GPR158: variants seen among roughly 807,000 people sequenced by gnomAD.
The protein encoded by GPR158 is metabotropic glycine receptor.
In GPR158, 30 loss-of-function variants were observed where a neutral mutation model predicts 78.2. The ratio of observed to expected loss-of-function variants is 0.38; its 90% CI spans 0.29 to 0.52. The LOEUF is 0.52. Ranked by LOEUF, GPR158 falls within the 20% of genes least tolerant of loss-of-function variation. The probability of loss-of-function intolerance (pLI) is 0.83; values close to 1 mark genes in which losing one functional copy is unlikely to be tolerated. For missense variants in GPR158, 1,463 were observed against 1,523.5 expected (o/e 0.96, Z 0.66); for synonymous variants, 581 against 591.1 (o/e 0.98, Z 0.25).
chr10:25,341,960 C>A (rs67045255), intron 2 of GPR158, among the ~76,000 whole-genome samples: 6,369 of 152,056 alleles, frequency 0.042, 138 homozygotes, highest in African/African-American at 0.05. Flanking sequence ...TTTTCTCTCT[C>A]TATAACTGGC....
At chr10:25,430,393 T>A (rs1200131099) in intron 4 of GPR158, among the ~76,000 whole-genome samples, 1 of 150,888 alleles carries the variant, frequency 6.6e-6, no homozygotes, top group African/African-American at 2.4e-5. Context: ...CATTCCATGC[T>A]CATGGGTAGG....
intron 5 of GPR158, among the ~76,000 whole-genome samples, chr10:25,495,492 C>G (rs933721990): frequency 6.6e-6 from 1 of 151,794 alleles, no homozygotes; most frequent in Admixed American, 6.6e-5. Flanking sequence ...CAGGGTTTCA[C>G]CATGTTAGCC....
At chr10:25,230,967 T>C (rs1853439681) in intron 2 of GPR158, among the ~76,000 whole-genome samples, 1 of 152,180 alleles carries the variant, frequency 6.6e-6, no homozygotes, top group Non-Finnish European at 1.5e-5. Flanking sequence ...AATTTTTCTG[T>C]AGTGTTAAGA....
rs1480874065 is a variant in GPR158 at position 25,601,809 on chromosome 10, C to A, written c.*2535C>A. ...AATGCATGTGCAGGCTGCATCCTGTCCTTGTTTTTAAGCCAGGGTTTATAA... is the reference window on the plus strand; with the variant it reads ...AATGCATGTGCAGGCTGCATCCTGTACTTGTTTTTAAGCCAGGGTTTATAA... On this transcript the variant is annotated 3_prime_UTR_variant, in exon 11 of 11. Coordinates refer to ENST00000376351, the MANE Select transcript of GPR158 (RefSeq NM_020752.3). The A allele has an allele frequency of 1.3e-5, 2 of 152,548 alleles. No individual in the cohort carries two copies. The highest frequency in any genetic ancestry group is 4.8e-5 in the African/African-American group (2 of 41,422). The allele number at this position is 152,548 out of a possible 1,614,324, so 9.4% of individuals were successfully genotyped here.
chr10:25,251,454 G>T (rs1329600702), intron 2 of GPR158, among the ~76,000 whole-genome samples: 1 of 151,830 alleles, frequency 6.6e-6, no homozygotes, highest in Admixed American at 6.6e-5. Flanking sequence ...GCTGGTACTG[G>T]TTGTTCCTTT....
chr10:25,531,299 A>G (rs1836419254), intron 5 of GPR158, among the ~76,000 whole-genome samples: 1 of 152,166 alleles, frequency 6.6e-6, no homozygotes, highest in African/African-American at 2.4e-5. Context: ...ATCTCAAGTC[A>G]GGAAAAGAGA....
chr10:25,595,924 A>C (rs1837398757), intron 9 of GPR158, among the ~76,000 whole-genome samples: 1 of 152,218 alleles, frequency 6.6e-6, no homozygotes, highest in Non-Finnish European at 1.5e-5. Context: ...GAATGTTAAA[A>C]TATTATAGAG....
intron 2 of GPR158, among the ~76,000 whole-genome samples, chr10:25,385,097 T>G (rs1350320192): frequency 7.2e-5 from 11 of 152,178 alleles, no homozygotes; most frequent in Non-Finnish European, 1.3e-4. Context: ...ATGGAAACTC[T>G]ACACCCATTG....
chr10:25,444,640 ATTTG>A (rs1387491515), intron 4 of GPR158, among the ~76,000 whole-genome samples: 2 of 150,874 alleles, frequency 1.3e-5, no homozygotes, highest in African/African-American at 2.4e-5. Context: ...AGATGTGTGT[ATTTG>A]TTTGGAGGGG....
chr10:25,224,746 T>G (rs1853350089), intron 2 of GPR158, among the ~76,000 whole-genome samples: 1 of 152,032 alleles, frequency 6.6e-6, no homozygotes, highest in South Asian at 2.1e-4. Flanking sequence ...TCAACTATGT[T>G]TGCTACCAAT....
intron 2 of GPR158, among the ~76,000 whole-genome samples, chr10:25,370,703 G>A (rs1215597353): frequency 3.3e-5 from 5 of 151,144 alleles, no homozygotes; most frequent in Non-Finnish European, 5.9e-5. Flanking sequence ...GCAGAGCTGA[G>A]TTCAGTTCCT....
intron 2 of GPR158, among the ~76,000 whole-genome samples, chr10:25,301,601 A>C (rs1228167686): frequency 6.6e-6 from 1 of 151,842 alleles, no homozygotes; most frequent in Non-Finnish European, 1.5e-5. Context: ...GAAAAAGTAG[A>C]AAGGTATTGA....
Position 25,241,326 on chromosome 10 carries a change from C to CTTCTCTT in GPR158, c.1008+20170_1008+20176dup, listed in dbSNP as rs1554787234. ...TTTCTTTTCTTTTCTCTTCTCTTCT[C>CTTCTCTT]TTCTCTTCTCTTTTCTCTTTTCTCT... On this transcript the variant is annotated intron_variant, in intron 2 of 10. Transcript: ENST00000376351. Among the ~76,000 whole-genome samples the CTTCTCTT allele has an allele frequency of 5.3e-4, 65 of 123,696 alleles. 3 individuals are homozygous for CTTCTCTT. Among genetic ancestry groups the CTTCTCTT allele is most frequent in the African/African-American group, 2.2e-3 (62 of 28,724 alleles). 81.1% of individuals were successfully genotyped at this position (123,696 alleles called of 152,430 possible).
intron 2 of GPR158, among the ~76,000 whole-genome samples, chr10:25,382,475 C>T (rs1471456731): frequency 6.6e-6 from 1 of 152,124 alleles, no homozygotes; most frequent in Non-Finnish European, 1.5e-5. Context: ...CTCTCTTCTG[C>T]CCCCAACCCT....
At chr10:25,333,557 G>A (rs1484587319) in intron 2 of GPR158, among the ~76,000 whole-genome samples, 1 of 152,124 alleles carries the variant, frequency 6.6e-6, no homozygotes, top group Non-Finnish European at 1.5e-5. Flanking sequence ...CGTTAGTACT[G>A]TAATGACGCA....
intron 2 of GPR158, among the ~76,000 whole-genome samples, chr10:25,363,142 C>T (rs1324140269): frequency 6.6e-6 from 1 of 151,778 alleles, no homozygotes; most frequent in Non-Finnish European, 1.5e-5. Context: ...ATTAATGCAA[C>T]CAAAGGTTGT....
At chr10:25,351,710 CTTT>C (rs66582925) in intron 2 of GPR158, among the ~76,000 whole-genome samples, 2,495 of 135,456 alleles carry the variant, frequency 0.018, 72 homozygotes, top group African/African-American at 0.054. Flanking sequence ...GTTTTTCTTT[CTTT>C]TTTTTTTTTT....
chr10:25,300,836 T>C (rs1812401), intron 2 of GPR158, among the ~76,000 whole-genome samples: 120,558 of 151,772 alleles, frequency 0.79, 48,890 homozygotes, highest in African/African-American at 0.9. Context: ...AAGGAGGGAG[T>C]GGGAAAGAGA....
At chr10:25,471,293 C>A (rs1835497658) in intron 5 of GPR158, among the ~76,000 whole-genome samples, 1 of 152,022 alleles carries the variant, frequency 6.6e-6, no homozygotes, top group African/African-American at 2.4e-5. Context: ...TGAACTCATC[C>A]TTTTTTATGG....
Sources: gnomAD v4.1 joint callset for allele counts (sites outside exome capture counted in the v4.1 genomes callset) on GRCh38, gnomAD v4.1.1 for gene constraint, MANE v1.5 for transcripts, NCBI Gene and HGNC (gene_info 2026-07-23, HGNC 2026-07-21) for gene names.